The following NEBL variants were observed in gnomAD, a reference collection of about 807,000 sequenced individuals.
NEBL encodes the protein nebulette.
In NEBL, 122 loss-of-function variants were observed where a neutral mutation model predicts 140.2. That is an observed-to-expected ratio of 0.87 (90% confidence interval 0.75 to 1.01). The LOEUF is 1.01. Among genes scored for constraint, NEBL ranks in the 50% least tolerant of loss-of-function variants. The pLI, the probability that NEBL is intolerant of heterozygous loss-of-function variation, is 0.00. For synonymous variants in NEBL, 436 were observed against 398.9 expected (o/e 1.09, Z -1.11); for missense variants, 1,365 against 1,231.3 (o/e 1.11, Z -1.62).
chr10:21,243,236 C>A (rs967139677), intron 3 of NEBL, among the ~76,000 whole-genome samples: 6 of 151,894 alleles, frequency 4.0e-5, no homozygotes, highest in Non-Finnish European at 5.9e-5. Context: ...ATCTTGTCAA[C>A]CCGCAGGACC....
At chr10:21,256,743 A>T (rs1243504021) in intron 1 of NEBL, among the ~76,000 whole-genome samples, 1 of 152,184 alleles carries the variant, frequency 6.6e-6, no homozygotes, top group Admixed American at 6.5e-5. Context: ...ATACAGGAGG[A>T]TCCAGAAACT....
intron 4 of NEBL, among the ~76,000 whole-genome samples, chr10:20,952,904 C>CAAAAAAAAAAAAAAAAAAAAAAAAA (rs34713711): frequency 4.8e-5 from 3 of 62,308 alleles, no homozygotes; most frequent in Middle Eastern, 0.011. Context: ...GACCCTGTCT[C>CAAAAAAAAAAAAAAAAAAAAAAAAA]AAAAAAAAAA....
chr10:20,845,402 C>A (rs980091256), intron 11 of NEBL, 34 bp from the exon 12 acceptor site: 27 of 1,266,760 alleles, frequency 2.1e-5, no homozygotes, highest in Non-Finnish European at 3.0e-5. Context: ...TTAAAGTTAG[C>A]AAATATCAGT....
chr10:20,862,532 A>G (rs957721881), intron 7 of NEBL, among the ~76,000 whole-genome samples: 5 of 152,190 alleles, frequency 3.3e-5, no homozygotes, highest in Admixed American at 3.3e-4. Flanking sequence ...CTACACAGAC[A>G]CACTCAACAT....
chr10:21,158,823 A>C (rs1012885251), intron 2 of NEBL, among the ~76,000 whole-genome samples: 5 of 152,250 alleles, frequency 3.3e-5, no homozygotes, highest in African/African-American at 7.2e-5. Flanking sequence ...TGAAAGGATA[A>C]AAGCTAAATA....
intron 1 of NEBL, among the ~76,000 whole-genome samples, chr10:21,257,163 G>C (rs897359968): frequency 1.3e-5 from 2 of 152,118 alleles, no homozygotes; most frequent in Non-Finnish European, 2.9e-5. Flanking sequence ...ATATGACTTG[G>C]GTCCTGGAAT....
intron 3 of NEBL, among the ~76,000 whole-genome samples, chr10:21,236,885 A>G (rs1208922451): frequency 6.6e-6 from 1 of 152,134 alleles, no homozygotes; most frequent in Admixed American, 6.5e-5. Context: ...TAAATAAATT[A>G]GTTCTCATAA....
intron 2 of NEBL, among the ~76,000 whole-genome samples, chr10:20,892,799 G>A (rs1204495122): frequency 2.6e-5 from 4 of 152,240 alleles, no homozygotes; most frequent in Non-Finnish European, 4.4e-5. Flanking sequence ...AGATGTTTGC[G>A]GATCTTTCCT....
chr10:21,057,983 C>A (rs1264399651), intron 2 of NEBL, among the ~76,000 whole-genome samples: 2 of 152,294 alleles, frequency 1.3e-5, no homozygotes, highest in East Asian at 1.9e-4. Context: ...AGGGAAAGTT[C>A]TGACTTTCCA....
At chr10:20,787,641 C>G (rs1453304298) in intron 26 of NEBL, among the ~76,000 whole-genome samples, 1 of 152,064 alleles carries the variant, frequency 6.6e-6, no homozygotes, top group Non-Finnish European at 1.5e-5. Context: ...CCATGTGATC[C>G]TTTTTGGCAT....
At chr10:20,914,796 A>T (rs766895253) in intron 4 of NEBL, among the ~76,000 whole-genome samples, 1 of 152,112 alleles carries the variant, frequency 6.6e-6, no homozygotes, top group African/African-American at 2.4e-5. Flanking sequence ...TTTTAATACC[A>T]AATTTACTAT....
intron 2 of NEBL, among the ~76,000 whole-genome samples, chr10:21,089,557 G>A (rs1207563824): frequency 6.6e-6 from 1 of 152,092 alleles, no homozygotes; most frequent in Non-Finnish European, 1.5e-5. Flanking sequence ...CCGAGAAGGA[G>A]GAGACTGACG....
rs1278581620 is a variant in NEBL, at chr10:20,994,867, T to A, written c.249+25250A>T. ...CTCATTGTCTTCATGTTGAGTGGGC[T>A]GAGGAGGAGGAGGTAGAGGGGGGGG... is the stretch of plus-strand genomic sequence containing the variant. On this transcript the variant is annotated intron_variant, in intron 3 of 6. Transcript: ENST00000417816. 2.6e-5 allele frequency among the ~76,000 whole-genome samples: 4 copies of A among 151,112 alleles called. No individual in the cohort carries two copies. In the East Asian group the frequency reaches 7.7e-4, roughly 29 times the overall value.
chr10:21,027,291 G>A (rs570776280), intron 2 of NEBL, among the ~76,000 whole-genome samples: 15 of 135,668 alleles, frequency 1.1e-4, no homozygotes, highest in South Asian at 1.0e-3. Context: ...AATATTTAAC[G>A]TATTATCTTT....
chr10:20,934,505 G>A lies in NEBL; in HGVS notation c.357+27167C>T, dbSNP rs1210309763. Among the ~76,000 whole-genome samples the A allele has an allele frequency of 6.6e-5, 10 of 152,140 alleles. No individual in the cohort carries two copies. The East Asian group carries it at 1.7e-3, about 26-fold the overall frequency. ...AATTCTAGCCTGTGGAATATGGATG[G>A]ACGTGACGTGCATGACTTCCAGACT... On this transcript the variant is annotated intron_variant, in intron 4 of 6. Coordinates refer to the NEBL transcript ENST00000417816.
At chr10:21,142,448 A>C (rs1454841168) in intron 2 of NEBL, among the ~76,000 whole-genome samples, 1 of 152,172 alleles carries the variant, frequency 6.6e-6, no homozygotes, top group African/African-American at 2.4e-5. Context: ...ATAAGAGAAT[A>C]CTTGGGCAAA....
intron 3 of NEBL, among the ~76,000 whole-genome samples, chr10:21,236,675 C>A (rs148460517): frequency 3.3e-5 from 5 of 152,198 alleles, no homozygotes; most frequent in Admixed American, 1.3e-4. Context: ...AAAATAAAAT[C>A]TTTGAAGATT....
At chr10:20,930,653 T>A (rs1460541955) in intron 4 of NEBL, among the ~76,000 whole-genome samples, 1 of 152,152 alleles carries the variant, frequency 6.6e-6, no homozygotes, top group African/African-American at 2.4e-5. Flanking sequence ...TCCTTTTCAC[T>A]GCAGAACTTT....
At chr10:20,965,533 C>T (rs1836267989) in intron 3 of NEBL, among the ~76,000 whole-genome samples, 1 of 152,146 alleles carries the variant, frequency 6.6e-6, no homozygotes, top group African/African-American at 2.4e-5. Context: ...TCTGGAGCAA[C>T]CTTAGTGGGA....
Sources: allele counts gnomAD v4.1 joint callset (sites outside exome capture counted in the v4.1 genomes callset), GRCh38; gene constraint gnomAD v4.1.1; transcripts MANE v1.5; gene names NCBI Gene and HGNC (gene_info 2026-07-23, HGNC 2026-07-21).